The following MLLT3 variants were observed in gnomAD, a reference collection of about 807,000 sequenced individuals.
The protein encoded by MLLT3 is protein AF-9.
A neutral mutation model predicts 53.2 loss-of-function variants in MLLT3; 4 were observed. That is an observed-to-expected ratio of 0.08 (90% CI 0.04 to 0.17). The LOEUF (loss-of-function observed/expected upper bound fraction) is 0.17, where lower values mean the gene tolerates loss of function less well. Ranked by LOEUF, MLLT3 falls within the 10% of genes least tolerant of loss-of-function variation. The probability of loss-of-function intolerance (pLI) is 1.00; values close to 1 mark genes in which losing one functional copy is unlikely to be tolerated. For missense variants in MLLT3, 569 were observed against 684.0 expected (o/e 0.83, Z 1.87); for synonymous variants, 283 against 230.6 (o/e 1.23, Z -2.06).
At chr9:20,449,939 T>TGATGG (rs2118849473) in intron 3 of MLLT3, among the ~76,000 whole-genome samples, 1 of 152,290 alleles carries the variant, frequency 6.6e-6, no homozygotes, top group African/African-American at 2.4e-5. Context: ...AGGAGTCAGT[T>TGATGG]CCACCTGTGT....
chr9:20,620,287 A>G lies in MLLT3; in HGVS notation c.193+367T>C, dbSNP rs879274662. On this transcript the variant is annotated intron_variant, in intron 2 of 10. Coordinates refer to ENST00000380338, the MANE Select transcript of MLLT3 (RefSeq NM_004529.4). This position sits in a 1 kb window ranked among gnomAD's most constrained non-coding sequence, Gnocchi z 6.1. ...CACACACACACACACACACACACAC[A>G]CACACACGCGCAAAGTGTTTATTCC... Among the ~76,000 whole-genome samples, 558 of 138,652 alleles carry G rather than the reference A, an allele frequency of 4.0e-3. 2 individuals are homozygous for G. Among genetic ancestry groups the G allele is most frequent in the African/African-American group, 0.015 (528 of 35,288 alleles). The allele number at this position is 138,652 out of a possible 152,430, so 91.0% of individuals were successfully genotyped here. A position where few individuals can be genotyped will look rare whatever the true frequency, so the allele number is the denominator to read the frequency against.
In MLLT3 at chr9:20,621,707, C is replaced by T. The variant is rs945137315; in HGVS notation, c.12+538G>A. On this transcript the variant is annotated intron_variant, in intron 1 of 10. Coordinates refer to ENST00000380338, the MANE Select transcript of MLLT3 (RefSeq NM_004529.4). This position sits in a 1 kb window ranked among gnomAD's most constrained non-coding sequence, Gnocchi z 7.0. ...ACCTCCCGGCGCTGGGGCAAAGTTGCGTGCGGCCCCGCCGCTGTCAGCCCC... is the reference window on the plus strand; with the variant it reads ...ACCTCCCGGCGCTGGGGCAAAGTTGTGTGCGGCCCCGCCGCTGTCAGCCCC... 5.2e-5 allele frequency: 75 copies of T among 1,452,464 alleles called. No individual in the cohort carries two copies. The highest frequency in any genetic ancestry group is 6.6e-5 in the Non-Finnish European group (72 of 1,096,362). The allele number at this position is 1,452,464 out of a possible 1,614,324, so 90.0% of individuals were successfully genotyped here.
intron 2 of MLLT3, among the ~76,000 whole-genome samples, chr9:20,561,147 G>A (rs887521938): frequency 6.6e-6 from 1 of 152,074 alleles, no homozygotes; most frequent in East Asian, 1.9e-4. Flanking sequence ...ACACACGCGT[G>A]TGTGCACAAG....
At chr9:20,363,808 C>T (rs1761711091) in intron 6 of MLLT3, among the ~76,000 whole-genome samples, 1 of 152,100 alleles carries the variant, frequency 6.6e-6, no homozygotes, top group Admixed American at 6.6e-5. Flanking sequence ...AATGGATTCC[C>T]AAAATATTTA....
chr9:20,610,466 T>C (rs1036311558), intron 2 of MLLT3, among the ~76,000 whole-genome samples: 1 of 152,162 alleles, frequency 6.6e-6, no homozygotes, highest in Admixed American at 6.6e-5. Flanking sequence ...ACAAAGTCAA[T>C]TATTAGAGGT....
At chr9:20,491,820 C>T (rs897241595) in intron 2 of MLLT3, among the ~76,000 whole-genome samples, 1 of 152,036 alleles carries the variant, frequency 6.6e-6, no homozygotes, top group African/African-American at 2.4e-5. Context: ...TGACTTTTCA[C>T]CATGAATTGT....
intron 2 of MLLT3, among the ~76,000 whole-genome samples, chr9:20,618,442 G>GT (rs2131216329): frequency 6.6e-6 from 1 of 152,334 alleles, no homozygotes; most frequent in African/African-American, 2.4e-5. Context: ...TCTGAATCAT[G>GT]TGTAATTACA....
intron 2 of MLLT3, among the ~76,000 whole-genome samples, chr9:20,588,915 C>T (rs1252772942): frequency 1.3e-5 from 2 of 151,442 alleles, no homozygotes; most frequent in Non-Finnish European, 2.9e-5. Context: ...GAATGGCAAT[C>T]ATTAAAAAGT....
chr9:20,369,015 A>G (rs1270349157), intron 5 of MLLT3, among the ~76,000 whole-genome samples: 1 of 152,192 alleles, frequency 6.6e-6, no homozygotes, highest in Admixed American at 6.5e-5. Flanking sequence ...GGACTTGTTA[A>G]AACACAGCCT....
intron 5 of MLLT3, chr9:20,382,409 C>G (rs1821928809): frequency 6.6e-6 from 1 of 151,866 alleles, no homozygotes; most frequent in African/African-American, 2.4e-5. Flanking sequence ...GTGTAGCCCT[C>G]AGGAAAACAG....
chr9:20,541,650 C>A (rs1389042742), intron 2 of MLLT3, among the ~76,000 whole-genome samples: 1 of 152,176 alleles, frequency 6.6e-6, no homozygotes, highest in African/African-American at 2.4e-5. Context: ...AGGTCCCTCC[C>A]CTGACATGTG....
At chr9:20,394,339 T>G (rs1359622648) in intron 5 of MLLT3, among the ~76,000 whole-genome samples, 2 of 152,126 alleles carry the variant, frequency 1.3e-5, no homozygotes, top group African/African-American at 2.4e-5. Context: ...ACACTAGCTG[T>G]GCAAAAAGAA....
chr9:20,511,294 A>G (rs1825528018), intron 2 of MLLT3, among the ~76,000 whole-genome samples: 1 of 152,200 alleles, frequency 6.6e-6, no homozygotes, highest in Non-Finnish European at 1.5e-5. Context: ...AATAATTAAG[A>G]ACAAATGAAA....
At chr9:20,403,069 A>C (rs1251434251) in intron 5 of MLLT3, among the ~76,000 whole-genome samples, 2 of 151,936 alleles carry the variant, frequency 1.3e-5, no homozygotes, top group East Asian at 3.9e-4. Flanking sequence ...ACTGGAAATG[A>C]TCGATAATGG....
intron 2 of MLLT3, among the ~76,000 whole-genome samples, chr9:20,601,229 G>T (rs1820413693): frequency 1.3e-5 from 2 of 152,172 alleles, no homozygotes; most frequent in Non-Finnish European, 2.9e-5. Context: ...TTCTCCAGGT[G>T]AGAGGAACAA....
intron 2 of MLLT3, among the ~76,000 whole-genome samples, chr9:20,536,887 G>A (rs1353674333): frequency 2.0e-5 from 3 of 150,686 alleles, no homozygotes; most frequent in Admixed American, 6.6e-5. Flanking sequence ...CACATACTGT[G>A]CAGAAAACAT....
At chr9:20,422,129 G>T (rs1229943317) in intron 4 of MLLT3, among the ~76,000 whole-genome samples, 1 of 152,112 alleles carries the variant, frequency 6.6e-6, no homozygotes, top group Non-Finnish European at 1.5e-5. Context: ...AAGTGGAAGA[G>T]AAATGGCACT....
chr9:20,568,520 T>G (rs1298809759), intron 2 of MLLT3, among the ~76,000 whole-genome samples: 1 of 152,166 alleles, frequency 6.6e-6, no homozygotes, highest in East Asian at 1.9e-4. Flanking sequence ...TGGATGCCTT[T>G]AGAAGCCATT....
intron 2 of MLLT3, among the ~76,000 whole-genome samples, chr9:20,612,843 G>A (rs1820734574): frequency 6.6e-6 from 1 of 152,130 alleles, no homozygotes; most frequent in Admixed American, 6.6e-5. Flanking sequence ...TCTTGACAGA[G>A]TATAAACTGT....
Sources: allele counts gnomAD v4.1 joint callset (sites outside exome capture counted in the v4.1 genomes callset), GRCh38; gene constraint gnomAD v4.1.1; non-coding constraint Gnocchi (gnomAD v3.1); transcripts MANE v1.5; gene names NCBI Gene and HGNC (gene_info 2026-07-23, HGNC 2026-07-21).